ANXA10: variants seen among roughly 807,000 people sequenced by gnomAD.
ANXA10 encodes annexin A10.
ANXA10 carries 49 observed loss-of-function variants against 53.5 expected under a neutral mutation model. That is an observed-to-expected ratio of 0.92 (90% CI 0.73 to 1.16). ANXA10 has a LOEUF of 1.16. Ranked by LOEUF, ANXA10 falls within the 50% of genes most tolerant of loss-of-function variation. The probability of loss-of-function intolerance (pLI) is 0.00; values close to 1 mark genes in which losing one functional copy is unlikely to be tolerated. For synonymous variants in ANXA10, 131 were observed against 128.9 expected (o/e 1.02, Z -0.11); for missense variants, 393 against 394.4 (o/e 1.00, Z 0.03).
chr4:168,164,429 C>A, intron 5 of ANXA10, 141 bp downstream of exon 5: 1 of 643,876 alleles, frequency 1.6e-6, no homozygotes, highest in Non-Finnish European at 2.6e-6. Context: ...CCAATTAACT[C>A]ATTAGGTAAA....
chr4:168,114,794 C>G (rs1730866090), intron 1 of ANXA10, among the ~76,000 whole-genome samples: 1 of 152,178 alleles, frequency 6.6e-6, no homozygotes, highest in Admixed American at 6.5e-5. Context: ...CCTCAAGCTC[C>G]AACCATGTGC....
intron 3 of ANXA10, among the ~76,000 whole-genome samples, chr4:168,151,324 GTCTTACT>G (rs1394879578): frequency 1.2e-4 from 19 of 152,306 alleles, no homozygotes; most frequent in Admixed American, 8.5e-4. Context: ...AAAGATGTTA[GTCTTACT>G]TCTATTTCTT....
At chr4:168,158,395 T>G (rs1731725197) in intron 3 of ANXA10, among the ~76,000 whole-genome samples, 1 of 152,234 alleles carries the variant, frequency 6.6e-6, no homozygotes. Context: ...TTCTTCAAAG[T>G]TCCTTACAAA....
chr4:168,102,938 A>G (rs145460159), intron 1 of ANXA10, among the ~76,000 whole-genome samples: 17 of 152,198 alleles, frequency 1.1e-4, no homozygotes, highest in Non-Finnish European at 2.9e-5. Context: ...CTTTATGGGT[A>G]ATGATATTGA....
intron 3 of ANXA10, among the ~76,000 whole-genome samples, chr4:168,141,987 A>G (rs545998444): frequency 1.2e-4 from 18 of 151,556 alleles, no homozygotes; most frequent in Admixed American, 6.6e-4. Context: ...CATTACCACC[A>G]CCCCAGTAAG....
intron 3 of ANXA10, among the ~76,000 whole-genome samples, chr4:168,143,102 C>T (rs1731351569): frequency 6.6e-6 from 1 of 152,046 alleles, no homozygotes; most frequent in Non-Finnish European, 1.5e-5. Flanking sequence ...AATGAATCTA[C>T]ACCAATTGCC....
chr4:168,169,516 T>C (rs1731943508), intron 6 of ANXA10, among the ~76,000 whole-genome samples: 1 of 152,170 alleles, frequency 6.6e-6, no homozygotes, highest in African/African-American at 2.4e-5. Flanking sequence ...CTCCCATAGG[T>C]GTTGATCCCA....
intron 2 of ANXA10, among the ~76,000 whole-genome samples, chr4:168,131,286 A>C (rs190933605): frequency 3.4e-3 from 522 of 152,102 alleles, no homozygotes; most frequent in Non-Finnish European, 5.8e-3. Context: ...TTTTCCAGCC[A>C]TCTTTCTGTT....
chr4:168,141,795 C>G (rs1232960565), intron 3 of ANXA10, among the ~76,000 whole-genome samples: 1 of 152,132 alleles, frequency 6.6e-6, no homozygotes, highest in Non-Finnish European at 1.5e-5. Flanking sequence ...TCTTCACGTT[C>G]CCTGCTCTGT....
At chr4:168,105,956 G>A (rs1039338819) in intron 1 of ANXA10, among the ~76,000 whole-genome samples, 6 of 151,974 alleles carry the variant, frequency 3.9e-5, no homozygotes, top group Non-Finnish European at 1.5e-5. Flanking sequence ...ACTTTTTGGA[G>A]TGTTTCACAC....
intron 3 of ANXA10, among the ~76,000 whole-genome samples, chr4:168,149,402 G>T (rs1425958938): frequency 6.6e-6 from 1 of 152,042 alleles, no homozygotes; most frequent in East Asian, 1.9e-4. Flanking sequence ...TTTTTTACTA[G>T]CTACTCTTTT....
chr4:168,181,503 T>A (rs1732245032), intron 9 of ANXA10, among the ~76,000 whole-genome samples, 180 bp from the exon 10 acceptor site: 1 of 152,194 alleles, frequency 6.6e-6, no homozygotes, highest in Non-Finnish European at 1.5e-5. Flanking sequence ...CATGACTCAT[T>A]ATAATGTTGT....
At chr4:168,093,564 A>G (rs1159718702) in intron 1 of ANXA10, among the ~76,000 whole-genome samples, 1 of 152,156 alleles carries the variant, frequency 6.6e-6, no homozygotes. Flanking sequence ...CTATAAAAAA[A>G]CTTTCAGGAG....
At chr4:168,171,106 G>A (rs1461985759) in intron 6 of ANXA10, among the ~76,000 whole-genome samples, 2 of 152,156 alleles carry the variant, frequency 1.3e-5, no homozygotes, top group African/African-American at 4.8e-5. Flanking sequence ...TAATGGGATT[G>A]TAAAAGTCCA....
intron 3 of ANXA10, among the ~76,000 whole-genome samples, chr4:168,147,913 G>T (rs1403545012): frequency 6.6e-6 from 1 of 152,184 alleles, no homozygotes; most frequent in Non-Finnish European, 1.5e-5. Flanking sequence ...AAGTTCAGGG[G>T]ACATGAGGGA....
At chr4:168,184,478 GA>G in intron 10 of ANXA10, 80 bp from the exon 11 acceptor site, 1 of 1,512,732 alleles carries the variant, frequency 6.6e-7, no homozygotes, top group Non-Finnish European at 9.0e-7. Context: ...AATGACTACA[GA>G]AAAGGGGTGT....
chr4:168,113,150 G>T (rs896113573), intron 1 of ANXA10: 4 of 152,254 alleles, frequency 2.6e-5, no homozygotes, highest in Non-Finnish European at 4.4e-5. Flanking sequence ...TAAATATGCT[G>T]TCTTAGTTCA....
intron 2 of ANXA10, among the ~76,000 whole-genome samples, chr4:168,129,943 T>A (rs1197976491): frequency 6.6e-6 from 1 of 152,158 alleles, no homozygotes; most frequent in Non-Finnish European, 1.5e-5. Context: ...CCCTGTGAGA[T>A]CCTGGACAAC....
intron 2 of ANXA10, among the ~76,000 whole-genome samples, chr4:168,138,516 T>A (rs1731276070): frequency 6.6e-6 from 1 of 152,154 alleles, no homozygotes; most frequent in South Asian, 2.1e-4. Flanking sequence ...TAGTGTGAAA[T>A]CAGGTAATGT....
Sources: gnomAD v4.1 joint callset for allele counts (sites outside exome capture counted in the v4.1 genomes callset) on GRCh38, gnomAD v4.1.1 for gene constraint, MANE v1.5 for transcripts, NCBI Gene and HGNC (gene_info 2026-07-23, HGNC 2026-07-21) for gene names.